The following CCDC149 variants were observed in gnomAD, a reference collection of about 807,000 sequenced individuals.
CCDC149 encodes coiled-coil domain-containing protein 149.
Under a neutral mutation model 59.9 loss-of-function variants are expected in CCDC149, and 45 were observed. That is an observed-to-expected ratio of 0.75 (90% CI 0.59 to 0.96). The LOEUF is 0.96. Among genes scored for constraint, CCDC149 ranks in the 40% least tolerant of loss-of-function variants. The pLI is 0.00. For missense variants in CCDC149, 584 were observed against 664.7 expected, an observed-to-expected ratio of 0.88 and a Z score of 1.33; for synonymous variants, 245 against 260.6, an observed-to-expected ratio of 0.94 and a Z score of 0.58.
chr4:24,879,466 G>A (rs950024778), intron 1 of CCDC149, among the ~76,000 whole-genome samples: 9 of 149,056 alleles, frequency 6.0e-5, no homozygotes, highest in African/African-American at 2.0e-4. Context: ...GCAGTGAGCC[G>A]AGATCGCACC....
intron 1 of CCDC149, among the ~76,000 whole-genome samples, chr4:24,965,298 G>A (rs1326981363): frequency 2.7e-5 from 4 of 150,928 alleles, no homozygotes; most frequent in East Asian, 1.9e-4. Flanking sequence ...TAAGTGGAGA[G>A]GATAAAGAGA....
Position 24,912,853 on chromosome 4 carries a change from G to A in CCDC149, c.27C>T (p.Asp9=). Residue 9 remains aspartate, a synonymous_variant, in exon 1 of 13, where the codon GAC becomes GAT. Coordinates refer to ENST00000635206, the MANE Select transcript of CCDC149 (RefSeq NM_001330643.2). ...GCCCCTGCCAGTCGCTCTCAGTCCG[G>A]TCGCCGTTCATGGCCTCCTCCTCCA... is the stretch of plus-strand genomic sequence containing the variant. 7.2e-7 allele frequency: 1 copy of A among 1,379,596 alleles called. No homozygotes were observed. Among genetic ancestry groups the A allele is most frequent in the Non-Finnish European group, 9.5e-7 (1 of 1,052,238 alleles). The allele number at this position is 1,379,596 out of a possible 1,614,324, so 85.5% of individuals were successfully genotyped here. A position where few individuals can be genotyped will look rare whatever the true frequency, so the allele number is the denominator to read the frequency against.
intron 12 of CCDC149, among the ~76,000 whole-genome samples, chr4:24,813,528 A>ATATATATATATATATATAT (rs1560197749): frequency 3.1e-5 from 4 of 129,850 alleles, no homozygotes; most frequent in Middle Eastern, 3.8e-3. Context: ...ATATATATAT[A>ATATATATATATATATATAT]AAACCTAAAA....
intron 1 of CCDC149, among the ~76,000 whole-genome samples, chr4:24,888,954 T>C (rs925130362): frequency 1.3e-5 from 2 of 152,216 alleles, no homozygotes; most frequent in South Asian, 2.1e-4. Context: ...AGACTCACCA[T>C]GCCGTTTTCC....
intron 3 of CCDC149, among the ~76,000 whole-genome samples, chr4:24,855,338 G>A (rs966241537): frequency 9.2e-5 from 14 of 152,162 alleles, no homozygotes; most frequent in South Asian, 2.1e-4. Context: ...GCCGACACGG[G>A]TGGATCACCT....
chr4:24,872,592 G>A (rs1719109348), intron 3 of CCDC149, among the ~76,000 whole-genome samples: 1 of 151,212 alleles, frequency 6.6e-6, no homozygotes, highest in Non-Finnish European at 1.5e-5. Flanking sequence ...AGAATGGTAT[G>A]TACCCACTGA....
chr4:24,947,665 T>C (rs1723156280), intron 1 of CCDC149, among the ~76,000 whole-genome samples: 1 of 152,136 alleles, frequency 6.6e-6, no homozygotes, highest in Non-Finnish European at 1.5e-5. Context: ...CAACAACATT[T>C]CTCAGAATAG....
chr4:24,895,703 G>A (rs1650762087), intron 1 of CCDC149, among the ~76,000 whole-genome samples: 5 of 152,134 alleles, frequency 3.3e-5, no homozygotes. Context: ...GGGGTGGTGA[G>A]TCTGAGGTGT....
chr4:24,805,712 A>G (rs1354832477), downstream of CCDC149, among the ~76,000 whole-genome samples: 1 of 152,222 alleles, frequency 6.6e-6, no homozygotes, highest in Non-Finnish European at 1.5e-5. Flanking sequence ...CACAAGCCCC[A>G]GGTGATCATT....
At chr4:24,871,042 C>CAAAAAA (rs35580363) in intron 3 of CCDC149, among the ~76,000 whole-genome samples, 1 of 77,974 alleles carries the variant, frequency 1.3e-5, no homozygotes, top group African/African-American at 4.5e-5. Context: ...GAGACTCCCT[C>CAAAAAA]AAAAAAAAAA....
chr4:24,859,657 G>T (rs1279546927), intron 3 of CCDC149, among the ~76,000 whole-genome samples: 1 of 152,104 alleles, frequency 6.6e-6, no homozygotes, highest in Non-Finnish European at 1.5e-5. Flanking sequence ...AAGTCAAACT[G>T]TTGCTGTTTG....
upstream of CCDC149, among the ~76,000 whole-genome samples, chr4:24,914,385 G>GAAAA (rs201825269): frequency 8.3e-6 from 1 of 120,186 alleles, no homozygotes; most frequent in African/African-American, 2.9e-5. Context: ...TGTGTTACCA[G>GAAAA]AAAAAAAAAA....
intron 1 of CCDC149, among the ~76,000 whole-genome samples, chr4:24,902,874 A>C (rs1241092258): frequency 6.6e-6 from 1 of 151,890 alleles, no homozygotes; most frequent in Non-Finnish European, 1.5e-5. Context: ...AAATAGAAAA[A>C]TTAGCCAGGA....
At chr4:24,937,620 T>C (rs1722822236) in intron 1 of CCDC149, among the ~76,000 whole-genome samples, 1 of 152,226 alleles carries the variant, frequency 6.6e-6, no homozygotes. Flanking sequence ...GTACTGGTTG[T>C]ATTGCCATAG....
intron 2 of CCDC149, among the ~76,000 whole-genome samples, chr4:24,876,264 C>T (rs1388710072): frequency 6.8e-6 from 1 of 147,876 alleles, no homozygotes; most frequent in Non-Finnish European, 1.5e-5. Flanking sequence ...TCACAGATGC[C>T]AGAGCAAGAA....
intron 1 of CCDC149, among the ~76,000 whole-genome samples, chr4:24,907,120 A>G (rs1204023725): frequency 1.3e-5 from 2 of 152,236 alleles, no homozygotes; most frequent in African/African-American, 4.8e-5. Flanking sequence ...AGCAAATTAT[A>G]GTTTTCACAC....
intron 4 of CCDC149, among the ~76,000 whole-genome samples, chr4:24,844,329 C>A (rs1560213992): frequency 6.6e-6 from 1 of 152,180 alleles, no homozygotes; most frequent in Non-Finnish European, 1.5e-5. Flanking sequence ...TCATTCTGTG[C>A]TCCCCACAAC....
upstream of CCDC149, among the ~76,000 whole-genome samples, chr4:24,913,647 AG>A (rs575835613): frequency 3.8e-3 from 585 of 152,332 alleles, 3 homozygotes; most frequent in African/African-American, 0.014. Context: ...GAGGTGTCAA[AG>A]ACAAATTGGC....
At chr4:24,821,123 T>C (rs1715363464) in intron 10 of CCDC149, 36 bp from the exon 11 acceptor site, 1 of 1,201,530 alleles carries the variant, frequency 8.3e-7, no homozygotes. Context: ...GAAATAATTG[T>C]TATTGCATAA....
Sources: allele counts gnomAD v4.1 joint callset (sites outside exome capture counted in the v4.1 genomes callset), GRCh38; gene constraint gnomAD v4.1.1; transcripts MANE v1.5; gene names NCBI Gene and HGNC (gene_info 2026-07-23, HGNC 2026-07-21).